The following SPAG16 variants were observed in gnomAD, a reference collection of about 807,000 sequenced individuals.
The protein encoded by SPAG16 is sperm associated antigen 16, also known as sperm-associated antigen 16 protein.
Under a neutral mutation model 80.4 loss-of-function variants are expected in SPAG16, and 86 were observed. That is an observed-to-expected ratio of 1.07 (90% CI 0.90 to 1.28). SPAG16 has a LOEUF of 1.28. Ranked by LOEUF, SPAG16 falls within the 50% of genes most tolerant of loss-of-function variation. The pLI, the probability that SPAG16 is intolerant of heterozygous loss-of-function variation, is 0.00. For missense variants in SPAG16, 870 were observed against 765.3 expected (o/e 1.14, Z -1.61); for synonymous variants, 294 against 265.9 (o/e 1.11, Z -1.03).
chr2:213,938,243 GTCC>G (rs2079065517), intron 12 of SPAG16, among the ~76,000 whole-genome samples: 1 of 151,868 alleles, frequency 6.6e-6, no homozygotes, highest in Admixed American at 6.6e-5. Flanking sequence ...ATAAGTCTTA[GTCC>G]TCCTCAATGC....
intron 15 of SPAG16, among the ~76,000 whole-genome samples, chr2:214,388,056 T>C (rs1179143930): frequency 3.3e-5 from 5 of 152,146 alleles, no homozygotes; most frequent in African/African-American, 9.7e-5. Flanking sequence ...ATTATCCTAG[T>C]ACATATTTTT....
chr2:213,856,054 G>C (rs1364512773), intron 10 of SPAG16, among the ~76,000 whole-genome samples: 1 of 152,204 alleles, frequency 6.6e-6, no homozygotes, highest in African/African-American at 2.4e-5. Context: ...CTATGAGCCT[G>C]TAAAATCAAA....
At chr2:213,693,365 A>G (rs1430856194) in intron 10 of SPAG16, among the ~76,000 whole-genome samples, 1 of 152,224 alleles carries the variant, frequency 6.6e-6, no homozygotes, top group African/African-American at 2.4e-5. Flanking sequence ...CTGACTTTGG[A>G]GCAAAACCAG....
intron 12 of SPAG16, among the ~76,000 whole-genome samples, chr2:214,012,115 G>C (rs1182469777): frequency 6.6e-6 from 1 of 150,942 alleles, no homozygotes; most frequent in African/African-American, 2.4e-5. Flanking sequence ...CAGTCTCCTG[G>C]CTCCCATTGC....
intron 10 of SPAG16, among the ~76,000 whole-genome samples, chr2:213,808,714 A>G (rs1300233922): frequency 6.6e-6 from 1 of 152,176 alleles, no homozygotes. Flanking sequence ...ATTTTTTAGA[A>G]CTGAGGTATC....
intron 11 of SPAG16, among the ~76,000 whole-genome samples, chr2:213,873,488 C>A (rs1003936649): frequency 2.0e-5 from 3 of 151,068 alleles, no homozygotes; most frequent in Admixed American, 6.6e-5. Context: ...TTTTTAAATT[C>A]TTTTATTTAT....
At chr2:213,473,754 C>G (rs2073217453) in intron 9 of SPAG16, among the ~76,000 whole-genome samples, 1 of 152,188 alleles carries the variant, frequency 6.6e-6, no homozygotes, top group East Asian at 1.9e-4. Flanking sequence ...ATCCCACACC[C>G]TTAATATCCA....
intron 10 of SPAG16, among the ~76,000 whole-genome samples, chr2:213,495,378 T>C (rs2074436948): frequency 6.6e-6 from 1 of 152,260 alleles, no homozygotes; most frequent in African/African-American, 2.4e-5. Context: ...TTTATCAAGC[T>C]TTAATCTTCC....
chr2:213,616,761 C>A (rs1038949686), intron 10 of SPAG16, among the ~76,000 whole-genome samples: 1 of 152,074 alleles, frequency 6.6e-6, no homozygotes, highest in Non-Finnish European at 1.5e-5. Context: ...CTTTGAGAAT[C>A]TAGTTCATTC....
At chr2:213,572,493 T>G (rs1188967917) in intron 10 of SPAG16, among the ~76,000 whole-genome samples, 13 of 150,564 alleles carry the variant, frequency 8.6e-5, no homozygotes, top group East Asian at 5.8e-4. Flanking sequence ...TGGAGTACCC[T>G]GCCGTGTGAG....
At position 214,248,862 on chromosome 2, in the gene SPAG16, T is replaced by C. The variant is rs140400240; in HGVS notation, c.1720+99596T>C. 4.9e-4 allele frequency among the ~76,000 whole-genome samples: 74 copies of C among 152,288 alleles called. No individual in the cohort carries two copies. The East Asian group carries it at 0.014, about 29-fold the overall frequency. Reference sequence around the variant, plus strand: ...GGACTCTCAGATATAGTTAAATTTATAGAAAAACTGGAACGATCTGATGAT... The same window carrying C: ...GGACTCTCAGATATAGTTAAATTTACAGAAAAACTGGAACGATCTGATGAT... On this transcript the variant is annotated intron_variant, in intron 15 of 15. Transcript: ENST00000331683.
At chr2:213,793,461 A>G (rs1427723281) in intron 10 of SPAG16, among the ~76,000 whole-genome samples, 1 of 152,150 alleles carries the variant, frequency 6.6e-6, no homozygotes, top group Non-Finnish European at 1.5e-5. Context: ...CTCTGAATAA[A>G]TAAATTGCCA....
At chr2:213,901,470 A>G (rs1054279235) in intron 11 of SPAG16, among the ~76,000 whole-genome samples, 2 of 152,182 alleles carry the variant, frequency 1.3e-5, no homozygotes, top group African/African-American at 4.8e-5. Context: ...CCATAAGACC[A>G]TGTCTTATAA....
chr2:213,995,751 A>C (rs1370818647), intron 12 of SPAG16, among the ~76,000 whole-genome samples: 1 of 152,154 alleles, frequency 6.6e-6, no homozygotes, highest in Non-Finnish European at 1.5e-5. Context: ...AATGTGCCTT[A>C]CTTTGTTGTT....
At chr2:214,264,062 T>C (rs903485499) in intron 15 of SPAG16, among the ~76,000 whole-genome samples, 3 of 152,142 alleles carry the variant, frequency 2.0e-5, no homozygotes, top group African/African-American at 7.2e-5. Context: ...TCAGAACATT[T>C]AAATTTCAGA....
intron 10 of SPAG16, among the ~76,000 whole-genome samples, chr2:213,703,406 C>A (rs149687916): frequency 1.3e-5 from 2 of 152,280 alleles, no homozygotes; most frequent in African/African-American, 2.4e-5. Flanking sequence ...AGAGCACCAA[C>A]GTTTTAAAGA....
chr2:213,424,942 G>C (rs555844777), intron 9 of SPAG16, among the ~76,000 whole-genome samples: 1 of 152,266 alleles, frequency 6.6e-6, no homozygotes, highest in East Asian at 1.9e-4. Flanking sequence ...TTGAAAAGAA[G>C]CAAGATTTGT....
At chr2:213,998,492 A>C (rs1220259460) in intron 12 of SPAG16, among the ~76,000 whole-genome samples, 1 of 152,234 alleles carries the variant, frequency 6.6e-6, no homozygotes, top group Non-Finnish European at 1.5e-5. Flanking sequence ...CCAGCCATGC[A>C]GAACTCTAAG....
At chr2:213,771,764 G>A (rs1042140073) in intron 10 of SPAG16, among the ~76,000 whole-genome samples, 36 of 152,024 alleles carry the variant, frequency 2.4e-4, no homozygotes, top group Non-Finnish European at 4.7e-4. Flanking sequence ...GATCATAGAC[G>A]TGCAGTCTTA....
Sources: allele counts gnomAD v4.1 joint callset (sites outside exome capture counted in the v4.1 genomes callset), GRCh38; gene constraint gnomAD v4.1.1; transcripts MANE v1.5; gene names NCBI Gene and HGNC (gene_info 2026-07-23, HGNC 2026-07-21).